Variants in KIF21B observed in about 807,000 individuals in gnomAD.
The protein encoded by KIF21B is kinesin family member 21B, also known as kinesin-like protein KIF21B.
A neutral mutation model predicts 192.9 loss-of-function variants in KIF21B; 85 were observed. The observed-to-expected ratio is 0.44, with a 90% CI of 0.37 to 0.53. KIF21B has a LOEUF of 0.53. KIF21B is among the 20% of genes least tolerant of loss of function. The probability of loss-of-function intolerance (pLI) is 0.00; values close to 1 mark genes in which losing one functional copy is unlikely to be tolerated. For missense variants in KIF21B, 1,716 were observed against 2,194.8 expected, an observed-to-expected ratio of 0.78 and a Z score of 4.36; for synonymous variants, 832 against 884.6, an observed-to-expected ratio of 0.94 and a Z score of 1.05.
chr1:201,020,201 G>C (rs1021366107), intron 1 of KIF21B, among the ~76,000 whole-genome samples: 21 of 152,312 alleles, frequency 1.4e-4, no homozygotes, highest in African/African-American at 5.1e-4. Context: ...TCATGGTGGG[G>C]GCTCAGAGCT....
intron 1 of KIF21B, among the ~76,000 whole-genome samples, chr1:201,019,472 C>T (rs1658695636): frequency 6.6e-6 from 1 of 152,144 alleles, no homozygotes; most frequent in African/African-American, 2.4e-5. Context: ...TCAGTTCCTG[C>T]CCTGCCCTTT....
At position 200,970,710 on chromosome 1, in the gene KIF21B, G is replaced by A. The variant is rs1299649463; in HGVS notation, c.*2811C>T. The A allele has an allele frequency of 2.0e-5, 3 of 152,524 alleles. No homozygotes were observed. The East Asian group carries it at 5.7e-4, about 29-fold the overall frequency. The allele number at this position is 152,524 out of a possible 1,614,324, so 9.4% of individuals were successfully genotyped here. On this transcript the variant is annotated 3_prime_UTR_variant, in exon 35 of 35. Transcript: ENST00000461742. The stretch of plus-strand genomic sequence containing the variant: ...GCACAAAGTGGGGCTTGACCCAGGA[G>A]ACTGGGAATCAGTCCAAGCTCTTCA...
chr1:200,994,267 G>A (rs2102420266), intron 15 of KIF21B, among the ~76,000 whole-genome samples: 1 of 152,368 alleles, frequency 6.6e-6, no homozygotes, highest in South Asian at 2.1e-4. Context: ...AGGCATTGTG[G>A]CCTCTCCCTG....
chr1:200,986,799 T>C lies in KIF21B; in HGVS notation c.3689+45A>G, dbSNP rs759644765. On this transcript the variant is annotated intron_variant, in intron 26 of 34. Coordinates refer to ENST00000461742, the MANE Select transcript of KIF21B (RefSeq NM_001252102.2). ...CATAGCCACTCATGTAACCAAGAAC[T>C]AGACTGGTGGTGACTCTGGAGCAGA... 2.6e-6 allele frequency: 4 copies of C among 1,511,284 alleles called. No homozygotes were observed. The Admixed American group carries it at 7.0e-5, about 27-fold the overall frequency. 93.6% of individuals were successfully genotyped at this position (1,511,284 alleles called of 1,614,324 possible).
At chr1:200,996,059 G>T in intron 15 of KIF21B, 137 bp downstream of exon 15, 1 of 915,822 alleles carries the variant, frequency 1.1e-6, no homozygotes, top group Non-Finnish European at 1.7e-6. Flanking sequence ...GCCAAGACAG[G>T]GTCAAACTAG....
chr1:200,981,920 T>C (rs1056312995), intron 28 of KIF21B, among the ~76,000 whole-genome samples: 16 of 151,852 alleles, frequency 1.1e-4, no homozygotes, highest in African/African-American at 3.9e-4. Context: ...TCAGTGAGGG[T>C]CTTTTGGGAT....
chr1:200,988,976 G>A (rs757183874), intron 21 of KIF21B, 45 bp from the exon 22 acceptor site: 1 of 1,557,504 alleles, frequency 6.4e-7, no homozygotes. Flanking sequence ...CCTGGGGGTT[G>A]GGAGTCACCC....
In KIF21B at chr1:201,004,384, G is replaced by A; in HGVS notation, c.972C>T (p.Asp324=). Residue 324 remains aspartate, a synonymous_variant, in exon 7 of 35, where the codon GAC becomes GAT. Transcript: ENST00000461742. ...SKKVVHVPYR[D]SKLTRLLQDS... ...CCTGGAGGAGCCGAGTGAGCTTGGA[G>A]TCCCTGTAGGGAACGTGCACCACCT... The A allele has an allele frequency of 6.3e-7, 1 of 1,579,840 alleles. No individual in the cohort carries two copies. Among genetic ancestry groups the A allele is most frequent in the Non-Finnish European group, 8.6e-7 (1 of 1,162,090 alleles).
chr1:200,974,300 G>A (rs898322164), intron 34 of KIF21B: 13 of 1,327,324 alleles, frequency 9.8e-6, no homozygotes, highest in South Asian at 3.0e-5. Flanking sequence ...CATCTGAGTC[G>A]CACCCCATGG....
At chr1:201,014,415 A>C (rs1658390867) in intron 1 of KIF21B, among the ~76,000 whole-genome samples, 1 of 152,202 alleles carries the variant, frequency 6.6e-6, no homozygotes. Context: ...CCAGGAGGAC[A>C]GGGCGGAAGG....
At chr1:200,973,884 C>T in intron 34 of KIF21B, 1 of 1,463,868 alleles carries the variant, frequency 6.8e-7, no homozygotes, top group Non-Finnish European at 9.0e-7. Flanking sequence ...CTCCTGGGGC[C>T]TGTCCCACTG....
At position 200,990,076 on chromosome 1, in the gene KIF21B, G is replaced by A. The variant is rs1378923368; in HGVS notation, c.3031-33C>T. On this transcript the variant is annotated intron_variant, in intron 20 of 34. Coordinates refer to ENST00000461742, the MANE Select transcript of KIF21B (RefSeq NM_001252102.2). This position sits in a 1 kb window ranked among gnomAD's most constrained non-coding sequence, Gnocchi z 5.4. Reference sequence around the variant, plus strand: ...CGGGAGGCAGAGAGCCCCGTCACCTGGGGCTACCCCTGCCACCCATCTCTC... The same window carrying A: ...CGGGAGGCAGAGAGCCCCGTCACCTAGGGCTACCCCTGCCACCCATCTCTC... 2 of 1,610,684 alleles carry A rather than the reference G, an allele frequency of 1.2e-6. No homozygotes were observed. Among genetic ancestry groups the A allele is most frequent in the Admixed American group, 3.3e-5 (2 of 59,960 alleles).
Position 201,000,347 on chromosome 1 carries a change from G to T in KIF21B, c.1685+43C>A, listed in dbSNP as rs756981268. 1 of 1,511,642 alleles carries T rather than the reference G, an allele frequency of 6.6e-7. No homozygotes were observed. Among genetic ancestry groups the T allele is most frequent in the Non-Finnish European group, 8.8e-7 (1 of 1,135,952 alleles). 93.6% of individuals were successfully genotyped at this position (1,511,642 alleles called of 1,614,324 possible). A position where few individuals can be genotyped will look rare whatever the true frequency, so the allele number is the denominator to read the frequency against. On this transcript the variant is annotated intron_variant, in intron 11 of 34. Transcript: ENST00000461742. The surrounding 1 kb of genome is among the most constrained non-coding windows in gnomAD (Gnocchi z 6.0). ...TTGGGGACGGGCAGGGTCCACTGGGGCGGTCTGAGGGCTCTCAGGGGCGGG... is the reference window on the plus strand; with the variant it reads ...TTGGGGACGGGCAGGGTCCACTGGGTCGGTCTGAGGGCTCTCAGGGGCGGG...
At chr1:200,980,101 G>A (rs1486182584) in intron 29 of KIF21B, among the ~76,000 whole-genome samples, 32 of 152,298 alleles carry the variant, frequency 2.1e-4, no homozygotes. Flanking sequence ...CAAATGTTAT[G>A]GGAAAACTTG....
In KIF21B at chr1:200,971,566, G is replaced by C. The variant is rs1040298553; in HGVS notation, c.*1955C>G. Reference sequence around the variant, plus strand: ...TCTGTTCAGGTTGGCGGGGAGGAGTGGGAAGAGATTTGTGGCCACATCTTA... The same window carrying C: ...TCTGTTCAGGTTGGCGGGGAGGAGTCGGAAGAGATTTGTGGCCACATCTTA... On this transcript the variant is annotated 3_prime_UTR_variant, in exon 35 of 35. Transcript: ENST00000461742. 6.6e-6 allele frequency: 1 copy of C among 152,424 alleles called. No individual in the cohort carries two copies. Among genetic ancestry groups the C allele is most frequent in the Non-Finnish European group, 1.5e-5 (1 of 68,094 alleles). 9.4% of individuals were successfully genotyped at this position (152,424 alleles called of 1,614,324 possible).
At position 201,000,380 on chromosome 1, in the gene KIF21B, C is replaced by G. The variant is rs1657402013; in HGVS notation, c.1685+10G>C. The G allele has an allele frequency of 1.3e-6, 2 of 1,543,906 alleles. No individual in the cohort carries two copies. The highest frequency in any genetic ancestry group is 1.2e-5 in the South Asian group (1 of 80,562). ...AGGGCTCTCAGGGGCGGGGACGACA[C>G]TCCACTCACCTCTTCCTCCGCTGCC... On this transcript the variant is annotated intron_variant, in intron 11 of 34. Coordinates refer to ENST00000461742, the MANE Select transcript of KIF21B (RefSeq NM_001252102.2). This position sits in a 1 kb window ranked among gnomAD's most constrained non-coding sequence, Gnocchi z 6.0.
Position 200,988,282 on chromosome 1 carries a change from C to T in KIF21B, c.3408+14G>A. 3 of 1,613,234 alleles carry T rather than the reference C, an allele frequency of 1.9e-6. No individual in the cohort carries two copies. Among genetic ancestry groups the T allele is most frequent in the Non-Finnish European group, 2.5e-6 (3 of 1,179,796 alleles). On this transcript the variant is annotated intron_variant, in intron 24 of 34. Coordinates refer to ENST00000461742, the MANE Select transcript of KIF21B (RefSeq NM_001252102.2). ...CCCTGCTGCACCCACTGCCTGACTT[C>T]CGGCGGGGCTCACCTTGAACTTGAA...
intron 1 of KIF21B, among the ~76,000 whole-genome samples, chr1:201,018,290 G>C (rs1013172447): frequency 6.6e-5 from 10 of 152,206 alleles, no homozygotes; most frequent in African/African-American, 2.2e-4. Flanking sequence ...ACACATGCCA[G>C]GGATGGCTGC....
chr1:200,974,543 C>T (rs1307275647), intron 34 of KIF21B, among the ~76,000 whole-genome samples, 171 bp downstream of exon 34: 2 of 152,224 alleles, frequency 1.3e-5, no homozygotes, highest in Non-Finnish European at 1.5e-5. Flanking sequence ...ACATGGTGGG[C>T]ACTCACTGAA....
Sources: allele counts gnomAD v4.1 joint callset (sites outside exome capture counted in the v4.1 genomes callset), GRCh38; gene constraint gnomAD v4.1.1; non-coding constraint Gnocchi (gnomAD v3.1); transcripts MANE v1.5; gene names NCBI Gene and HGNC (gene_info 2026-07-23, HGNC 2026-07-21).